NSD1: variants seen among roughly 807,000 people sequenced by gnomAD.
NSD1 encodes nuclear receptor binding SET domain protein 1, also known as histone-lysine N-methyltransferase, H3 lysine-36 specific.
A neutral mutation model predicts 242.7 loss-of-function variants in NSD1; 26 were observed. The ratio of observed to expected loss-of-function variants is 0.11; its 90% CI spans 0.08 to 0.15. NSD1 has a LOEUF of 0.15. Ranked by LOEUF, NSD1 falls within the 10% of genes least tolerant of loss-of-function variation. The pLI is 1.00. For missense variants in NSD1, 2,495 were observed against 3,272.8 expected (o/e 0.76, Z 5.80); for synonymous variants, 1,106 against 1,178.1 (o/e 0.94, Z 1.25).
chr5:177,204,548 C>A (rs763942320), intron 4 of NSD1, among the ~76,000 whole-genome samples: 2 of 152,070 alleles, frequency 1.3e-5, no homozygotes, highest in Non-Finnish European at 2.9e-5. Context: ...GACAGGATTT[C>A]GCCATGTTGG....
At chr5:177,243,194 C>CTT (rs549140440) in intron 8 of NSD1, among the ~76,000 whole-genome samples, 6 of 151,880 alleles carry the variant, frequency 4.0e-5, no homozygotes, top group South Asian at 4.2e-4. Context: ...TTCTTTCTTT[C>CTT]TTTCTTTTTT....
rs937851146 is a variant in NSD1, at chr5:177,238,957, A to G, written c.4192+450A>G. Reference sequence around the variant, plus strand: ...TGTGTAATGTTATATACCTGACAACATAGTAATTACCAGTTCATTAGAAGT... The same window carrying G: ...TGTGTAATGTTATATACCTGACAACGTAGTAATTACCAGTTCATTAGAAGT... On this transcript the variant is annotated intron_variant, in intron 7 of 22. Transcript: ENST00000439151. The surrounding 1 kb of genome is among the most constrained non-coding windows in gnomAD (Gnocchi z 4.6). Among the ~76,000 whole-genome samples the G allele has an allele frequency of 2.6e-5, 4 of 152,238 alleles. No individual in the cohort carries two copies. Among genetic ancestry groups the G allele is most frequent in the Admixed American group, 1.3e-4 (2 of 15,292 alleles).
intron 17 of NSD1, among the ~76,000 whole-genome samples, chr5:177,280,178 C>T (rs1017471628): frequency 6.6e-5 from 10 of 150,886 alleles, no homozygotes; most frequent in African/African-American, 1.7e-4. Flanking sequence ...GGGGTTTCAC[C>T]GTGTTAGCCA....
intron 14 of NSD1, among the ~76,000 whole-genome samples, chr5:177,261,315 A>G (rs771382750): frequency 8.5e-5 from 12 of 141,946 alleles, no homozygotes; most frequent in Non-Finnish European, 1.6e-4. Flanking sequence ...TTCTGACCTC[A>G]GTTGATCTAC....
chr5:177,199,213 C>A (rs1007785180), intron 3 of NSD1, among the ~76,000 whole-genome samples: 2 of 152,196 alleles, frequency 1.3e-5, no homozygotes, highest in African/African-American at 4.8e-5. Flanking sequence ...TGTAAGTGTT[C>A]TGAGCATGTT....
Position 177,135,877 on chromosome 5 carries a change from T to C in NSD1, c.774T>C (p.Phe258=). ...NEKAALLPAP[F]SLGDTNITIE... ...AAGCAGCCCTTCTCCCAGCCCCCTT[T>C]TCACTAGGAGACACAAACATTACAA... Residue 258 remains phenylalanine, a synonymous_variant, in exon 2 of 23, where the codon TTT becomes TTC. Coordinates refer to ENST00000439151, the MANE Select transcript of NSD1 (RefSeq NM_022455.5). The C allele has an allele frequency of 1.2e-6, 2 of 1,607,458 alleles. No individual in the cohort carries two copies. Among genetic ancestry groups the C allele is most frequent in the Non-Finnish European group, 1.7e-6 (2 of 1,174,962 alleles).
chr5:177,288,792 T>A, intron 20 of NSD1, 27 bp from the exon 21 acceptor site: 1 of 1,458,582 alleles, frequency 6.9e-7, no homozygotes, highest in Non-Finnish European at 9.6e-7. Context: ...ACCATAGATA[T>A]TAATATTTTC....
chr5:177,254,195 C>T (rs1378387317), intron 12 of NSD1, among the ~76,000 whole-genome samples: 1 of 152,160 alleles, frequency 6.6e-6, no homozygotes, highest in Non-Finnish European at 1.5e-5. Context: ...GGTCCACTCT[C>T]CTTGGCCTCC....
chr5:177,274,696 T>TG (rs1238454233), intron 17 of NSD1, among the ~76,000 whole-genome samples: 63 of 147,274 alleles, frequency 4.3e-4, no homozygotes, highest in African/African-American at 1.6e-3. Flanking sequence ...TCACTTATCC[T>TG]TTGTGTGTGT....
chr5:177,184,569 C>T (rs184747526), intron 2 of NSD1, among the ~76,000 whole-genome samples: 17 of 152,088 alleles, frequency 1.1e-4, no homozygotes, highest in African/African-American at 4.1e-4. Context: ...CACTCTGTCA[C>T]TTAGGCTGGT....
intron 18 of NSD1, among the ~76,000 whole-genome samples, chr5:177,281,403 G>A (rs1042950652): frequency 1.7e-4 from 25 of 151,118 alleles, no homozygotes; most frequent in South Asian, 4.2e-4. Flanking sequence ...TGGTTTCCAG[G>A]AAATGTAGTG....
Position 177,239,747 on chromosome 5 carries a change from G to A in NSD1, c.4193-9G>A. 6.7e-7 allele frequency: 1 copy of A among 1,502,218 alleles called. No homozygotes were observed. Among genetic ancestry groups the A allele is most frequent in the Non-Finnish European group, 9.3e-7 (1 of 1,078,966 alleles). The allele number at this position is 1,502,218 out of a possible 1,614,324, so 93.1% of individuals were successfully genotyped here. ...TAAATCATCTAATGTAAAGATACATGCATTTCAGGAAATTATGAAAGTAAA... is the reference window on the plus strand; with the variant it reads ...TAAATCATCTAATGTAAAGATACATACATTTCAGGAAATTATGAAAGTAAA... On this transcript the variant is annotated splice_polypyrimidine_tract_variant and intron_variant, in intron 7 of 22. Transcript: ENST00000439151.
rs143218417 is a variant in NSD1 at position 177,242,085 on chromosome 5, A to ATG, written c.4303-2095_4303-2094dup. Among the ~76,000 whole-genome samples the ATG allele has an allele frequency of 2.4e-3, 361 of 150,982 alleles. 2 individuals are homozygous for ATG. The highest frequency in any genetic ancestry group is 4.1e-3 in the African/African-American group (170 of 41,320). On this transcript the variant is annotated intron_variant, in intron 8 of 22. Transcript: ENST00000439151. ...TATGGTATGATTGTTGTGTGTGTGC[A>ATG]TGTGTGTGTGTGTGTGCTGTTAATT...
rs139238253 is a variant in NSD1, at chr5:177,151,618, A to G, written c.927+15588A>G. Among the ~76,000 whole-genome samples the G allele has an allele frequency of 2.3e-3, 340 of 150,358 alleles. 4 individuals carry two copies. The East Asian group carries it at 0.027, about 12-fold the overall frequency. On this transcript the variant is annotated intron_variant, in intron 2 of 22. Coordinates refer to ENST00000439151, the MANE Select transcript of NSD1 (RefSeq NM_022455.5). ...TGGTCAGACTTGTCTCGGACTCCCA[A>G]CCTCTGGTGATCTGCCCGCCTCGGC...
intron 2 of NSD1, among the ~76,000 whole-genome samples, chr5:177,154,703 T>C (rs900919850): frequency 2.0e-4 from 31 of 152,054 alleles, no homozygotes; most frequent in African/African-American, 7.5e-4. Context: ...TTTATTATTA[T>C]TATTATTTTT....
chr5:177,144,051 A>G (rs1252609208), intron 2 of NSD1, among the ~76,000 whole-genome samples: 2 of 152,086 alleles, frequency 1.3e-5, no homozygotes, highest in African/African-American at 2.4e-5. Flanking sequence ...CAAAGTTGCT[A>G]GGATTACAGG....
In NSD1 at chr5:177,251,727, C is replaced by T. The variant is rs746308716; in HGVS notation, c.4642-3C>T. 8.1e-6 allele frequency: 13 copies of T among 1,614,052 alleles called. No homozygotes were observed. The highest frequency in any genetic ancestry group is 1.0e-5 in the Non-Finnish European group (12 of 1,179,930). ...CAGATAGATGTTTTCTTTCTCTTAA[C>T]AGAATTGTGAAAAATTGGGTGAGCT... On this transcript the variant is annotated splice_polypyrimidine_tract_variant and splice_region_variant and intron_variant, in intron 11 of 22. Transcript: ENST00000439151.
In NSD1 at chr5:177,242,454, G is replaced by A. The variant is rs566858400; in HGVS notation, c.4303-1741G>A. ...TAAAATGAGCATTCAGAAATTCACA[G>A]CTGTATTTTATCTTGTTTTACTTCC... On this transcript the variant is annotated intron_variant, in intron 8 of 22. Transcript: ENST00000439151. 2.2e-4 allele frequency among the ~76,000 whole-genome samples: 33 copies of A among 152,106 alleles called. No homozygotes were observed. In the South Asian group the frequency reaches 6.8e-3, roughly 32 times the overall value.
chr5:177,194,002 C>T (rs1311962315), intron 3 of NSD1, among the ~76,000 whole-genome samples: 1 of 152,096 alleles, frequency 6.6e-6, no homozygotes, highest in Non-Finnish European at 1.5e-5. Flanking sequence ...GTCTCAAACT[C>T]CTGACCTCAA....
Sources: allele counts gnomAD v4.1 joint callset (sites outside exome capture counted in the v4.1 genomes callset), GRCh38; gene constraint gnomAD v4.1.1; non-coding constraint Gnocchi (gnomAD v3.1); transcripts MANE v1.5; gene names NCBI Gene and HGNC (gene_info 2026-07-23, HGNC 2026-07-21).